LUZP2: variants seen among roughly 807,000 people sequenced by gnomAD.
The protein encoded by LUZP2 is leucine zipper protein 2.
A neutral mutation model predicts 51.6 loss-of-function variants in LUZP2; 52 were observed. The observed-to-expected ratio is 1.01, with a 90% CI of 0.81 to 1.27. The LOEUF is 1.27. LUZP2 is among the 50% of genes most tolerant of loss of function. The pLI is 0.00. For missense variants in LUZP2, 436 were observed against 395.4 expected (o/e 1.10, Z -0.87); for synonymous variants, 154 against 137.3 (o/e 1.12, Z -0.85).
chr11:24,567,542 T>C (rs1383420701), intron 1 of LUZP2, among the ~76,000 whole-genome samples: 3 of 151,914 alleles, frequency 2.0e-5, no homozygotes, highest in Non-Finnish European at 4.4e-5. Context: ...AGTCAAAATA[T>C]TGAAAGCCAA....
chr11:25,001,850 T>C (rs1383335414), intron 9 of LUZP2, among the ~76,000 whole-genome samples: 1 of 152,158 alleles, frequency 6.6e-6, no homozygotes, highest in East Asian at 1.9e-4. Context: ...TCTTCCTCTC[T>C]CTCTCTGACT....
chr11:24,964,713 T>A (rs1449450123), intron 7 of LUZP2, among the ~76,000 whole-genome samples: 1 of 152,070 alleles, frequency 6.6e-6, no homozygotes, highest in Non-Finnish European at 1.5e-5. Context: ...TAATAGTAAC[T>A]TTTGATAGAA....
At chr11:24,595,453 C>A (rs115239974) in intron 1 of LUZP2, among the ~76,000 whole-genome samples, 1 of 152,282 alleles carries the variant, frequency 6.6e-6, no homozygotes, top group African/African-American at 2.4e-5. Context: ...AATTCATTCT[C>A]TTCGGGGGCA....
At chr11:24,650,118 T>C (rs1434725662) in intron 1 of LUZP2, among the ~76,000 whole-genome samples, 1 of 151,928 alleles carries the variant, frequency 6.6e-6, no homozygotes, top group Non-Finnish European at 1.5e-5. Context: ...TCCTTTGCTA[T>C]TCCCTAAATT....
intron 7 of LUZP2, among the ~76,000 whole-genome samples, chr11:24,940,550 C>G (rs1428233674): frequency 6.6e-6 from 1 of 151,992 alleles, no homozygotes; most frequent in African/African-American, 2.4e-5. Context: ...TTTTTCTCAT[C>G]TGTAAGATGA....
At chr11:24,526,844 C>T (rs1850822701) in intron 1 of LUZP2, among the ~76,000 whole-genome samples, 1 of 151,146 alleles carries the variant, frequency 6.6e-6, no homozygotes, top group Admixed American at 6.6e-5. Context: ...TTTACTCTGT[C>T]CCATTGTTCT....
chr11:24,799,885 T>C (rs921845488), intron 5 of LUZP2, among the ~76,000 whole-genome samples: 19 of 152,186 alleles, frequency 1.2e-4, no homozygotes, highest in African/African-American at 4.6e-4. Flanking sequence ...TCACAATTAA[T>C]GTTCCCATAA....
chr11:25,065,613 T>C (rs951751179), intron 10 of LUZP2, among the ~76,000 whole-genome samples: 4 of 152,002 alleles, frequency 2.6e-5, no homozygotes, highest in African/African-American at 9.7e-5. Flanking sequence ...TGTCATGAAA[T>C]CTCTTATGTG....
intron 1 of LUZP2, among the ~76,000 whole-genome samples, chr11:24,678,039 A>AAAAG (rs1172247319): frequency 7.1e-6 from 1 of 140,750 alleles, no homozygotes. Flanking sequence ...TCCGTCAAAA[A>AAAAG]AAAGAAAGAA....
chr11:24,942,637 A>G (rs1344250173), intron 7 of LUZP2, among the ~76,000 whole-genome samples: 3 of 152,096 alleles, frequency 2.0e-5, no homozygotes, highest in Non-Finnish European at 4.4e-5. Context: ...TTTATCAGAT[A>G]TATATTTCAC....
intron 5 of LUZP2, among the ~76,000 whole-genome samples, chr11:24,903,965 G>C (rs2133784051): frequency 1.3e-5 from 2 of 152,230 alleles, no homozygotes; most frequent in East Asian, 3.9e-4. Flanking sequence ...TCAACATACT[G>C]ATTTCATTTA....
chr11:24,871,649 C>T (rs1004652598), intron 5 of LUZP2, among the ~76,000 whole-genome samples: 2 of 151,898 alleles, frequency 1.3e-5, no homozygotes, highest in Non-Finnish European at 2.9e-5. Context: ...GCAAGGTTCC[C>T]CAAATGTATT....
chr11:25,025,573 C>T (rs551863139), intron 9 of LUZP2, among the ~76,000 whole-genome samples: 2 of 152,240 alleles, frequency 1.3e-5, no homozygotes, highest in African/African-American at 2.4e-5. Flanking sequence ...CAGAGAAATG[C>T]AAATCAAAAC....
At chr11:24,974,908 T>C (rs78830106) in intron 7 of LUZP2, among the ~76,000 whole-genome samples, 2,541 of 152,112 alleles carry the variant, frequency 0.017, 38 homozygotes, top group South Asian at 0.083. Flanking sequence ...AAACATATGA[T>C]TTTTAAATCA....
At chr11:24,728,693 C>T (rs1347160625) in intron 1 of LUZP2, among the ~76,000 whole-genome samples, 1 of 152,030 alleles carries the variant, frequency 6.6e-6, no homozygotes, top group Non-Finnish European at 1.5e-5. Flanking sequence ...AAATCTCCTG[C>T]TCCCCAGTTA....
intron 8 of LUZP2, 82 bp downstream of exon 8, chr11:24,976,747 T>C (rs1855893297): frequency 1.1e-5 from 8 of 709,840 alleles, no homozygotes; most frequent in Non-Finnish European, 1.7e-5. Context: ...GTATGCTCAT[T>C]GCTTTTCTTG....
intron 5 of LUZP2, among the ~76,000 whole-genome samples, chr11:24,864,804 G>A (rs796455033): frequency 5.3e-5 from 8 of 152,272 alleles, no homozygotes; most frequent in African/African-American, 1.9e-4. Context: ...AGAACTAAGA[G>A]TCATGAAGAG....
intron 8 of LUZP2, among the ~76,000 whole-genome samples, chr11:24,982,018 A>G (rs995212544): frequency 1.3e-5 from 2 of 151,968 alleles, no homozygotes; most frequent in African/African-American, 4.8e-5. Flanking sequence ...AAAGCTCAAT[A>G]TCACTAATTA....
intron 1 of LUZP2, among the ~76,000 whole-genome samples, chr11:24,692,968 T>C (rs868415805): frequency 2.6e-5 from 4 of 151,928 alleles, no homozygotes; most frequent in Non-Finnish European, 5.9e-5. Context: ...CTGACAAGTT[T>C]TTTTTTATGT....
Sources: allele counts gnomAD v4.1 joint callset (sites outside exome capture counted in the v4.1 genomes callset), GRCh38; gene constraint gnomAD v4.1.1; transcripts MANE v1.5; gene names NCBI Gene and HGNC (gene_info 2026-07-23, HGNC 2026-07-21).